Variants in UGT2A1 observed in about 807,000 individuals in gnomAD.
The protein encoded by UGT2A1 is UDP glucuronosyltransferase family 2 member A1 complex locus.
A neutral mutation model predicts 45.4 loss-of-function variants in UGT2A1; 61 were observed. The observed-to-expected ratio is 1.34, with a 90% confidence interval of 1.09 to 1.66. UGT2A1 has a LOEUF of 1.66. Among genes scored for constraint, UGT2A1 ranks in the 40% most tolerant of loss-of-function variants. UGT2A1 has a pLI of 0.00. For synonymous variants in UGT2A1, 229 were observed against 196.2 expected, an observed-to-expected ratio of 1.17 and a Z score of -1.40; for missense variants, 649 against 574.3, an observed-to-expected ratio of 1.13 and a Z score of -1.33.
At chr4:69,652,184 G>T (rs201786972) in intron 1 of UGT2A1, among the ~76,000 whole-genome samples, 2 of 151,608 alleles carry the variant, frequency 1.3e-5, no homozygotes, top group Non-Finnish European at 2.9e-5. Flanking sequence ...CCTTCTACTG[G>T]TTAACAACTG....
intron 3 of UGT2A1, among the ~76,000 whole-genome samples, chr4:69,608,321 CA>C (rs11323266): frequency 0.26 from 38,479 of 145,576 alleles, 5,400 homozygotes; most frequent in African/African-American, 0.38. Flanking sequence ...ATCTCAAGGA[CA>C]AAAAAACAAA....
intron 3 of UGT2A1, among the ~76,000 whole-genome samples, chr4:69,621,804 T>A (rs924360786): frequency 4.6e-5 from 7 of 151,940 alleles, no homozygotes; most frequent in Non-Finnish European, 7.4e-5. Flanking sequence ...ATATGCATCA[T>A]AGAAAACTAC....
rs1412453515 is a variant in UGT2A1, at chr4:69,589,559, A to T, written c.1397T>A (p.Met466Lys). 16 of 1,614,122 alleles carry T rather than the reference A, an allele frequency of 9.9e-6. No homozygotes were observed. The highest frequency in any genetic ancestry group is 1.3e-5 in the African/African-American group (1 of 75,046). The change falls in exon 7 of 7, where the codon ATG (methionine) becomes AAG (lysine). Residue 466 changes from methionine to lysine, a missense_variant. Coordinates refer to ENST00000286604, the MANE Select transcript of UGT2A1 (RefSeq NM_001252275.3). ...DRAVFWIEFV[M>K]RHKGAKHLRV... ...AAGGTGCTTGGCTCCTTTGTGGCGC[A>T]TGACAAACTCGATCCAGAAGACTGC... is the stretch of plus-strand genomic sequence containing the variant.
At chr4:69,635,559 G>A (rs143614125) in intron 3 of UGT2A1, 132 bp downstream of exon 3, 195 of 162,378 alleles carry the variant, frequency 1.2e-3, no homozygotes, top group Admixed American at 3.3e-3. Context: ...GCTGGGTGAT[G>A]TGGCTCAAGC....
chr4:69,595,265 C>T lies in UGT2A1; in HGVS notation c.997-16G>A. The T allele has an allele frequency of 6.2e-7, 1 of 1,612,542 alleles. No homozygotes were observed. On this transcript the variant is annotated splice_polypyrimidine_tract_variant and intron_variant, in intron 4 of 6. Transcript: ENST00000286604. ...TCCATAAAACCTGTGGAAAATGGTG[C>T]TTTAATTTTGCAAGGAAAAACACAA...
intron 2 of UGT2A1, among the ~76,000 whole-genome samples, chr4:69,640,321 T>C (rs982813249): frequency 6.6e-6 from 1 of 151,990 alleles, no homozygotes; most frequent in Non-Finnish European, 1.5e-5. Context: ...ATTTGTTATA[T>C]TACTTTGTGG....
chr4:69,599,216 G>T (rs1293163737), intron 4 of UGT2A1, 30 bp downstream of exon 4: 8 of 1,585,632 alleles, frequency 5.0e-6, no homozygotes, highest in Non-Finnish European at 6.0e-6. Flanking sequence ...ATTATGAAGA[G>T]CATAAAATCC....
chr4:69,602,661 T>G (rs994757573), intron 3 of UGT2A1, among the ~76,000 whole-genome samples: 3 of 137,698 alleles, frequency 2.2e-5, no homozygotes, highest in Non-Finnish European at 4.6e-5. Context: ...AAACTAAATT[T>G]CCACTGAAAA....
chr4:69,599,372 C>A lies in UGT2A1; in HGVS notation c.870G>T (p.Glu290Asp), dbSNP rs975747883. Residue 290 changes from glutamate to aspartate, a missense_variant, in exon 4 of 7, where the codon GAG becomes GAT. Physicochemically the swap from Glu to Asp is conservative, Grantham distance 45. Transcript: ENST00000286604. Reference protein sequence around the residue: ...LPAGRPTTLCETMGKAEIWLI... With the variant: ...LPAGRPTTLCDTMGKAEIWLI... ...ACCAAATTTCAGCTTTCCCCATAGT[C>A]TCACATAACGTAGTGGGTCTTCCTG... 1 of 1,613,530 alleles carries A rather than the reference C, an allele frequency of 6.2e-7. No homozygotes were observed. The highest frequency in any genetic ancestry group is 1.3e-5 in the African/African-American group (1 of 74,840).
intron 3 of UGT2A1, among the ~76,000 whole-genome samples, chr4:69,612,468 T>C (rs888730343): frequency 1.3e-5 from 2 of 151,936 alleles, no homozygotes; most frequent in East Asian, 1.9e-4. Flanking sequence ...GAAAGCACCA[T>C]ACTACCCAAC....
rs530745643 is a variant in UGT2A1, at chr4:69,588,782, A to G, written c.*590T>C. 1.3e-5 allele frequency: 2 copies of G among 152,128 alleles called. No homozygotes were observed. The highest frequency in any genetic ancestry group is 4.1e-4 in the South Asian group (2 of 4,834). The allele number at this position is 152,128 out of a possible 1,614,324, so 9.4% of individuals were successfully genotyped here. ...TGCCGTGATTTTCTAGATATGCTTA[A>G]TGAAAATTTTGTAGACATTTAATAG... On this transcript the variant is annotated 3_prime_UTR_variant, in exon 7 of 7. Coordinates refer to ENST00000286604, the MANE Select transcript of UGT2A1 (RefSeq NM_001252275.3).
intron 3 of UGT2A1, among the ~76,000 whole-genome samples, chr4:69,628,750 A>G (rs1721227460): frequency 6.7e-6 from 1 of 149,008 alleles, no homozygotes; most frequent in South Asian, 2.2e-4. Flanking sequence ...CTTCTACTTA[A>G]TACTAAATGT....
At chr4:69,639,406 T>C in intron 2 of UGT2A1, 1 of 1,613,456 alleles carries the variant, frequency 6.2e-7, no homozygotes, top group South Asian at 1.1e-5. Flanking sequence ...ACTTCAAAAT[T>C]CACAGGAGAA....
At position 69,606,871 on chromosome 4, in the gene UGT2A1, T is replaced by TG. The variant is rs1719659299; in HGVS notation, c.848-7478_848-7477insC. 1.5e-5 allele frequency among the ~76,000 whole-genome samples: 2 copies of TG among 135,578 alleles called. 1 individual carries two copies. The highest frequency in any genetic ancestry group is 4.9e-4 in the South Asian group (2 of 4,080). 88.9% of individuals were successfully genotyped at this position (135,578 alleles called of 152,430 possible). On this transcript the variant is annotated intron_variant, in intron 3 of 6. Transcript: ENST00000286604. ...CTAGGAATCCAACTTACAAGGGACG[T>TG]AAGGACCTCTTCAAGAACTACAAAC...
intron 3 of UGT2A1, among the ~76,000 whole-genome samples, chr4:69,630,405 A>T (rs1336427406): frequency 6.6e-6 from 1 of 152,024 alleles, no homozygotes; most frequent in Non-Finnish European, 1.5e-5. Context: ...GACTATGTTA[A>T]AGCTACCTTT....
chr4:69,650,335 A>T (rs2109983942), intron 1 of UGT2A1, among the ~76,000 whole-genome samples: 1 of 152,296 alleles, frequency 6.6e-6, no homozygotes, highest in African/African-American at 2.4e-5. Flanking sequence ...ATAGTCTATC[A>T]GTGGAAGATA....
intron 3 of UGT2A1, among the ~76,000 whole-genome samples, chr4:69,631,107 C>T (rs1560488657): frequency 6.6e-6 from 1 of 152,036 alleles, no homozygotes; most frequent in African/African-American, 2.4e-5. Flanking sequence ...TCAGTGATAG[C>T]TATCTCAATA....
chr4:69,624,591 T>C (rs538957372), intron 3 of UGT2A1, among the ~76,000 whole-genome samples: 21 of 151,452 alleles, frequency 1.4e-4, no homozygotes, highest in Non-Finnish European at 2.2e-4. Flanking sequence ...ATGATCCTAG[T>C]TGATTTTTTT....
chr4:69,634,303 T>C lies in UGT2A1; in HGVS notation c.847+1388A>G, dbSNP rs1577995663. 4.0e-5 allele frequency among the ~76,000 whole-genome samples: 6 copies of C among 151,684 alleles called. No individual in the cohort carries two copies. The South Asian group carries it at 8.4e-4, about 21-fold the overall frequency. On this transcript the variant is annotated intron_variant, in intron 3 of 6. Transcript: ENST00000286604. Reference sequence around the variant, plus strand: ...CAACAACAACAAAAACCCACAACACTGATCACAGGAAAGCTACATATAAGA... The same window carrying C: ...CAACAACAACAAAAACCCACAACACCGATCACAGGAAAGCTACATATAAGA...
Sources: allele counts gnomAD v4.1 joint callset (sites outside exome capture counted in the v4.1 genomes callset), GRCh38; gene constraint gnomAD v4.1.1; transcripts MANE v1.5; gene names NCBI Gene and HGNC (gene_info 2026-07-23, HGNC 2026-07-21).